The following CEACAM19 variants were observed in gnomAD, a reference collection of about 807,000 sequenced individuals.
The protein encoded by CEACAM19 is CEA cell adhesion molecule 19, also known as cell adhesion molecule CEACAM19.
Under a neutral mutation model 37.6 loss-of-function variants are expected in CEACAM19, and 37 were observed. The observed-to-expected ratio is 0.98, with a 90% CI of 0.76 to 1.29. The LOEUF is 1.29. CEACAM19 is among the 50% of genes most tolerant of loss of function. CEACAM19 has a pLI of 0.00. For missense variants in CEACAM19, 340 were observed against 375.6 expected, an observed-to-expected ratio of 0.91 and a Z score of 0.78; for synonymous variants, 140 against 149.8, an observed-to-expected ratio of 0.93 and a Z score of 0.48.
Position 44,683,707 on chromosome 19 carries a change from G to A in CEACAM19, c.*217G>A, listed in dbSNP as rs1256990002. ...TTGTGCAGCCCGTGAATGCACGCCC[G>A]CCTTCGGTCTGTTCCTTCAAGCAAG... On this transcript the variant is annotated 3_prime_UTR_variant, in exon 8 of 8. Coordinates refer to ENST00000358777, the MANE Select transcript of CEACAM19 (RefSeq NM_001127893.3). The A allele has an allele frequency of 3.2e-5, 13 of 403,920 alleles. No individual in the cohort carries two copies. Among genetic ancestry groups the A allele is most frequent in the East Asian group, 2.9e-4 (8 of 27,980 alleles). The allele number at this position is 403,920 out of a possible 1,614,324, so 25.0% of individuals were successfully genotyped here.
intron 2 of CEACAM19, among the ~76,000 whole-genome samples, chr19:44,675,293 C>A (rs574290134): frequency 2.0e-5 from 3 of 152,176 alleles, no homozygotes; most frequent in African/African-American, 4.8e-5. Context: ...GCTGCCAAGA[C>A]GGGTTGGGAT....
intron 7 of CEACAM19, 90 bp from the exon 8 acceptor site, chr19:44,683,347 C>A: frequency 1.9e-6 from 1 of 540,172 alleles, no homozygotes; most frequent in South Asian, 2.7e-5. Flanking sequence ...CTCCATCTCA[C>A]GCTGTCTCTC....
intron 3 of CEACAM19, chr19:44,677,795 C>A (rs1470841747): frequency 6.6e-6 from 1 of 152,000 alleles, no homozygotes; most frequent in Non-Finnish European, 1.5e-5. Flanking sequence ...CGTGCCTCAG[C>A]CTCCCAAGTA....
intron 6 of CEACAM19, 97 bp from the exon 7 acceptor site, chr19:44,682,470 T>A: frequency 8.0e-7 from 1 of 1,257,016 alleles, no homozygotes; most frequent in Non-Finnish European, 1.1e-6. Flanking sequence ...GGAGGGGTGA[T>A]GGGGACTTGG....
At chr19:44,676,174 C>G in intron 2 of CEACAM19, 97 bp from the exon 3 acceptor site, 2 of 1,251,698 alleles carry the variant, frequency 1.6e-6, no homozygotes, top group Non-Finnish European at 2.2e-6. Context: ...CACCTCAGTT[C>G]TCCATGCAGT....
rs1267485271 is a variant in CEACAM19, at chr19:44,675,095, A to AGTGTGT, written c.425-1175_425-1174insTGTGTG. Among the ~76,000 whole-genome samples, 690 of 109,716 alleles carry AGTGTGT rather than the reference A, an allele frequency of 6.3e-3. 3 individuals carry two copies. The highest frequency in any genetic ancestry group is 0.01 in the Non-Finnish European group (540 of 53,980). The allele number at this position is 109,716 out of a possible 152,430, so 72.0% of individuals were successfully genotyped here. ...TTCTTTGTTGGATCATTCAGAGAAC[A>AGTGTGT]GCGTGTGTGTGTGTGTGTGTGTGTG... On this transcript the variant is annotated intron_variant, in intron 2 of 7. Transcript: ENST00000358777.
chr19:44,680,198 CCT>C, intron 4 of CEACAM19, 88 bp from the exon 5 acceptor site: 2 of 1,054,152 alleles, frequency 1.9e-6, no homozygotes, highest in South Asian at 2.6e-5. Context: ...CTTTCAGGGA[CCT>C]GGTGGGATTT....
At position 44,681,222 on chromosome 19, in the gene CEACAM19, T is replaced by G. The variant is rs774627315; in HGVS notation, c.707-5T>G. The G allele has an allele frequency of 7.4e-6, 12 of 1,612,996 alleles. No individual in the cohort carries two copies. Among genetic ancestry groups the G allele is most frequent in the Non-Finnish European group, 1.0e-5 (12 of 1,179,094 alleles). ...AGCTGGTACCTCCCCTGGCCTCTGT[T>G]TCAGGTGACAACAACATCTATGAAG... On this transcript the variant is annotated splice_polypyrimidine_tract_variant and splice_region_variant and intron_variant, in intron 5 of 7. Coordinates refer to ENST00000358777, the MANE Select transcript of CEACAM19 (RefSeq NM_001127893.3).
At chr19:44,667,610 TATTA>T (rs1211359822), upstream of CEACAM19, among the ~76,000 whole-genome samples, 1 of 101,832 alleles carries the variant, frequency 9.8e-6, no homozygotes, top group African/African-American at 3.9e-5. Context: ...TATAAATATA[TATTA>T]TATATTTATA....
At chr19:44,668,647 GTATATAAT>G (rs1280101787), upstream of CEACAM19, among the ~76,000 whole-genome samples, 1,027 of 59,630 alleles carry the variant, frequency 0.017, 142 homozygotes, top group African/African-American at 0.072. Flanking sequence ...TATTATATAT[GTATATAAT>G]TATATAATTA....
upstream of CEACAM19, among the ~76,000 whole-genome samples, chr19:44,670,003 T>C (rs2123784384): frequency 6.6e-6 from 1 of 152,222 alleles, no homozygotes; most frequent in Non-Finnish European, 1.5e-5. Context: ...GAATGTGTGC[T>C]GGAATGAATG....
At chr19:44,668,557 T>TACAC (rs1973793479), upstream of CEACAM19, among the ~76,000 whole-genome samples, 4 of 68,062 alleles carry the variant, frequency 5.9e-5, no homozygotes, top group African/African-American at 3.7e-4. Context: ...TATATAATTA[T>TACAC]ATACATATTA....
At position 44,683,562 on chromosome 19, in the gene CEACAM19, C is replaced by G. The variant is rs2289493; in HGVS notation, c.*72C>G. The G allele has an allele frequency of 1.9e-4, 190 of 1,005,312 alleles. No individual in the cohort carries two copies. The East Asian group carries it at 5.3e-3, about 28-fold the overall frequency. 62.3% of individuals were successfully genotyped at this position (1,005,312 alleles called of 1,614,324 possible). A position where few individuals can be genotyped will look rare whatever the true frequency, so the allele number is the denominator to read the frequency against. On this transcript the variant is annotated 3_prime_UTR_variant, in exon 8 of 8. Coordinates refer to ENST00000358777, the MANE Select transcript of CEACAM19 (RefSeq NM_001127893.3). ...TCCTCTGGGAGCCTCACACCTGAGA[C>G]CAGCAGGACAAGGCCATTGGGGGCT...
upstream of CEACAM19, among the ~76,000 whole-genome samples, chr19:44,667,772 T>C (rs868532969): frequency 0.012 from 862 of 74,940 alleles, 20 homozygotes; most frequent in African/African-American, 0.047. Context: ...TATATATTTA[T>C]ATATAATATA....
rs534820614 is a variant in CEACAM19 at position 44,684,335 on chromosome 19, G to A, written c.*845G>A. ...GGTCACTTGGCAGGGGAAAGAATCA[G>A]GAAATAAAATAAATAATGAACATGC... On this transcript the variant is annotated 3_prime_UTR_variant, in exon 8 of 8. Transcript: ENST00000358777. 7 of 152,220 alleles carry A rather than the reference G, an allele frequency of 4.6e-5. No individual in the cohort carries two copies. Among genetic ancestry groups the A allele is most frequent in the Admixed American group, 4.6e-4 (7 of 15,274 alleles). 9.4% of individuals were successfully genotyped at this position (152,220 alleles called of 1,614,324 possible).
Position 44,672,791 on chromosome 19 carries a change from TACA to T in CEACAM19, c.254_256del (p.Gln85del). 6 of 1,588,368 alleles carry T rather than the reference TACA, an allele frequency of 3.8e-6. No individual in the cohort carries two copies. The highest frequency in any genetic ancestry group is 4.3e-6 in the Non-Finnish European group (5 of 1,166,420). ...AGGCTATTTACCTACATCCCTGGGATACAACGGCCTCAGAGGGATGGCAGTGCC... is the reference window on the plus strand; with the variant it reads ...AGGCTATTTACCTACATCCCTGGGATACGGCCTCAGAGGGATGGCAGTGCC... On this transcript the variant is annotated inframe_deletion, in exon 2 of 8. Coordinates refer to ENST00000358777, the MANE Select transcript of CEACAM19 (RefSeq NM_001127893.3).
chr19:44,675,523 C>T (rs904366548), intron 2 of CEACAM19, among the ~76,000 whole-genome samples: 2 of 152,024 alleles, frequency 1.3e-5, no homozygotes, highest in Admixed American at 6.6e-5. Context: ...TCGGTGGCCA[C>T]GTCTGTAATC....
chr19:44,667,674 A>AT (rs1425481864), upstream of CEACAM19, among the ~76,000 whole-genome samples: 573 of 88,164 alleles, frequency 6.5e-3, 13 homozygotes, highest in African/African-American at 0.026. Context: ...ATATAAATAT[A>AT]TATTATATAT....
chr19:44,679,746 C>A, intron 4 of CEACAM19, among the ~76,000 whole-genome samples: 1 of 149,310 alleles, frequency 6.7e-6, no homozygotes, highest in African/African-American at 2.5e-5. Context: ...GAGACTCTGT[C>A]TCAAAAAAAA....
Sources: allele counts gnomAD v4.1 joint callset (sites outside exome capture counted in the v4.1 genomes callset), GRCh38; gene constraint gnomAD v4.1.1; transcripts MANE v1.5; gene names NCBI Gene and HGNC (gene_info 2026-07-23, HGNC 2026-07-21).